KCNQ2: variants seen among roughly 807,000 people sequenced by gnomAD.
The protein encoded by KCNQ2 is potassium voltage-gated channel subfamily KQT member 2.
Under a neutral mutation model 84.8 loss-of-function variants are expected in KCNQ2, and 14 were observed. The ratio of observed to expected loss-of-function variants is 0.17; its 90% CI spans 0.11 to 0.26. KCNQ2 has a LOEUF of 0.26. Among genes scored for constraint, KCNQ2 ranks in the 10% least tolerant of loss-of-function variants. The pLI, the probability that KCNQ2 is intolerant of heterozygous loss-of-function variation, is 1.00. For synonymous variants in KCNQ2, 599 were observed against 554.1 expected (o/e 1.08, Z -1.14); for missense variants, 788 against 1,254.0 (o/e 0.63, Z 5.61).
chr20:63,442,977 TCACCAC>T (rs201665157), intron 4 of KCNQ2, among the ~76,000 whole-genome samples: 2 of 30,124 alleles, frequency 6.6e-5, no homozygotes, highest in African/African-American at 3.2e-4. Flanking sequence ...ACCACCACCA[TCACCAC>T]CATTACCATC....
chr20:63,442,269 C>G (rs1006812097), intron 5 of KCNQ2, 137 bp downstream of exon 5: 11 of 1,243,734 alleles, frequency 8.8e-6, no homozygotes, highest in Non-Finnish European at 1.2e-5. Flanking sequence ...CGACCACAAG[C>G]CATCATGACC....
chr20:63,431,641 G>T (rs1281805662), intron 8 of KCNQ2, among the ~76,000 whole-genome samples: 1 of 152,088 alleles, frequency 6.6e-6, no homozygotes, highest in Non-Finnish European at 1.5e-5. Context: ...GGTGCTGAGG[G>T]AGGGGTTGGG....
intron 5 of KCNQ2, 30 bp downstream of exon 5, chr20:63,442,375 GA>G: frequency 6.2e-7 from 1 of 1,613,766 alleles, no homozygotes; most frequent in Non-Finnish European, 8.5e-7. Context: ...TATCAGCAGG[GA>G]AAGGGAAAAC....
intron 1 of KCNQ2, among the ~76,000 whole-genome samples, chr20:63,462,684 A>ACCTTG (rs762992192): frequency 2.6e-5 from 4 of 152,236 alleles, no homozygotes; most frequent in Non-Finnish European, 5.9e-5. Flanking sequence ...GCCGACCTGC[A>ACCTTG]CCTTGCGTGA....
Position 63,414,548 on chromosome 20 carries a change from T to C in KCNQ2, c.1525+355A>G, listed in dbSNP as rs1356105032. Among the ~76,000 whole-genome samples, 3 of 151,836 alleles carry C rather than the reference T, an allele frequency of 2.0e-5. No homozygotes were observed. The highest frequency in any genetic ancestry group is 6.6e-5 in the Admixed American group (1 of 15,258). Reference sequence around the variant, plus strand: ...GGAAGCCAGACCCAACGGCCCCACGTGGGAGCCGCAGACACGCACGGCCCA... The same window carrying C: ...GGAAGCCAGACCCAACGGCCCCACGCGGGAGCCGCAGACACGCACGGCCCA... On this transcript the variant is annotated intron_variant, in intron 13 of 16. Coordinates refer to ENST00000359125, the MANE Select transcript of KCNQ2 (RefSeq NM_172107.4). This position sits in a 1 kb window ranked among gnomAD's most constrained non-coding sequence, Gnocchi z 6.6.
At position 63,446,863 on chromosome 20, in the gene KCNQ2, A is replaced by C; in HGVS notation, c.297-26T>G. The C allele has an allele frequency of 5.6e-6, 9 of 1,594,566 alleles. No homozygotes were observed. The highest frequency in any genetic ancestry group is 6.9e-6 in the Non-Finnish European group (8 of 1,162,938). ...CTGGGGGCAGGGAACGCGCGCTCTC[A>C]GACAGGCCGCAGCAGGGCAGCAGCA... On this transcript the variant is annotated intron_variant, in intron 1 of 16. Coordinates refer to ENST00000359125, the MANE Select transcript of KCNQ2 (RefSeq NM_172107.4). This position sits in a 1 kb window ranked among gnomAD's most constrained non-coding sequence, Gnocchi z 5.5.
At chr20:63,427,444 C>T (rs995378429) in intron 10 of KCNQ2, among the ~76,000 whole-genome samples, 2 of 152,260 alleles carry the variant, frequency 1.3e-5, no homozygotes, top group South Asian at 4.1e-4. Context: ...GATTCATGTG[C>T]AACGGCTCCT....
At chr20:63,440,767 G>A (rs1360601710) in intron 5 of KCNQ2, among the ~76,000 whole-genome samples, 3 of 152,126 alleles carry the variant, frequency 2.0e-5, no homozygotes, top group African/African-American at 4.8e-5. Flanking sequence ...GCTGTGGCCT[G>A]GTGCAAAGCA....
At position 63,450,953 on chromosome 20, in the gene KCNQ2, T is replaced by C. The variant is rs182346429; in HGVS notation, c.297-4116A>G. 4.1e-3 allele frequency among the ~76,000 whole-genome samples: 619 copies of C among 151,680 alleles called. 2 individuals carry two copies. Among genetic ancestry groups the C allele is most frequent in the Non-Finnish European group, 7.2e-3 (490 of 67,854 alleles). On this transcript the variant is annotated intron_variant, in intron 1 of 16. Transcript: ENST00000359125. Reference sequence around the variant, plus strand: ...AGGAGTTCGAAACCAGCCTGGCCAATATGGTGAAACTCTGTCTCTACTAAA... The same window carrying C: ...AGGAGTTCGAAACCAGCCTGGCCAACATGGTGAAACTCTGTCTCTACTAAA...
intron 1 of KCNQ2, among the ~76,000 whole-genome samples, chr20:63,447,193 GGGAA>G: frequency 6.6e-6 from 1 of 151,984 alleles, no homozygotes; most frequent in East Asian, 1.9e-4. Context: ...TCAGTCAAAT[GGGAA>G]CAGCAAGGCC....
intron 11 of KCNQ2, chr20:63,423,831 C>A: frequency 2.6e-6 from 1 of 383,216 alleles, no homozygotes; most frequent in Non-Finnish European, 4.8e-6. Context: ...GGCTATGTGC[C>A]TGCAGCTGGA....
chr20:63,449,264 C>G (rs1281690853), intron 1 of KCNQ2: 2 of 152,278 alleles, frequency 1.3e-5, no homozygotes, highest in Admixed American at 1.3e-4. Flanking sequence ...TCCTTACAAC[C>G]CTTTGCATTT....
intron 7 of KCNQ2, among the ~76,000 whole-genome samples, chr20:63,436,359 G>C (rs184788566): frequency 6.6e-6 from 1 of 152,062 alleles, no homozygotes; most frequent in Non-Finnish European, 1.5e-5. Context: ...GTGAAACCCC[G>C]TCTCTACTAA....
chr20:63,468,645 G>A (rs372517588), intron 1 of KCNQ2, among the ~76,000 whole-genome samples: 8 of 152,242 alleles, frequency 5.3e-5, no homozygotes, highest in African/African-American at 1.7e-4. Flanking sequence ...CACAGCACCT[G>A]GTCAAGCAGC....
intron 5 of KCNQ2, among the ~76,000 whole-genome samples, chr20:63,440,515 G>A (rs894116552): frequency 6.6e-6 from 1 of 152,194 alleles, no homozygotes; most frequent in Non-Finnish European, 1.5e-5. Flanking sequence ...ACAGCCGCAC[G>A]GAGGCCACTC....
intron 9 of KCNQ2, among the ~76,000 whole-genome samples, chr20:63,429,961 T>C (rs2080744991): frequency 6.6e-6 from 1 of 152,182 alleles, no homozygotes. Context: ...CAAGTCGGGA[T>C]GGAGCAGGAA....
Position 63,425,442 on chromosome 20 carries a change from A to T in KCNQ2, c.1218-1236T>A, listed in dbSNP as rs144995974. ...CTCATCGAAATCCCATCCGTTGGCC[A>T]GGCACAGTGGCTCACACCTGTAATC... is the stretch of plus-strand genomic sequence containing the variant. On this transcript the variant is annotated intron_variant, in intron 10 of 16. Transcript: ENST00000359125. The surrounding 1 kb of genome is among the most constrained non-coding windows in gnomAD (Gnocchi z 5.5). Among the ~76,000 whole-genome samples, 825 of 152,276 alleles carry T rather than the reference A, an allele frequency of 5.4e-3. 4 individuals carry two copies. Among genetic ancestry groups the T allele is most frequent in the African/African-American group, 0.019 (791 of 41,538 alleles).
At chr20:63,441,330 T>A (rs1378025765) in intron 5 of KCNQ2, among the ~76,000 whole-genome samples, 3 of 151,376 alleles carry the variant, frequency 2.0e-5, no homozygotes, top group African/African-American at 7.3e-5. Flanking sequence ...GCATCCCTAT[T>A]TGCTATTTAA....
chr20:63,433,432 T>C, intron 8 of KCNQ2: 1 of 449,356 alleles, frequency 2.2e-6, no homozygotes. Context: ...GTTCCACTCT[T>C]GAAGCTTGGG....
Sources: gnomAD v4.1 joint callset for allele counts (sites outside exome capture counted in the v4.1 genomes callset) on GRCh38, gnomAD v4.1.1 for gene constraint, Gnocchi (gnomAD v3.1) non-coding constraint, MANE v1.5 for transcripts, NCBI Gene and HGNC (gene_info 2026-07-23, HGNC 2026-07-21) for gene names.